Variants in WWOX observed in about 807,000 individuals in gnomAD.
The protein encoded by WWOX is WW domain-containing oxidoreductase.
WWOX carries 69 observed loss-of-function variants against 46.2 expected under a neutral mutation model. The observed-to-expected ratio is 1.49, with a 90% CI of 1.23 to 1.82. The LOEUF is 1.82. Among genes scored for constraint, WWOX ranks in the 40% most tolerant of loss-of-function variants. The probability of loss-of-function intolerance (pLI) is 0.00; values close to 1 mark genes in which losing one functional copy is unlikely to be tolerated. For synonymous variants in WWOX, 359 were observed against 202.6 expected, an observed-to-expected ratio of 1.77 and a Z score of -6.56; for missense variants, 919 against 542.6, an observed-to-expected ratio of 1.69 and a Z score of -6.89.
intron 8 of WWOX, among the ~76,000 whole-genome samples, chr16:78,527,819 G>A (rs1274644208): frequency 6.6e-6 from 1 of 151,470 alleles, no homozygotes; most frequent in Admixed American, 6.6e-5. Context: ...GTAGAGGATA[G>A]GGGGGAAAAG....
intron 8 of WWOX, among the ~76,000 whole-genome samples, chr16:79,027,435 G>A (rs2047668110): frequency 6.6e-6 from 1 of 151,582 alleles, no homozygotes; most frequent in Non-Finnish European, 1.5e-5. Context: ...GGGCCTCCCT[G>A]CCTCCCATTT....
chr16:78,704,468 G>T (rs982441241), intron 8 of WWOX, among the ~76,000 whole-genome samples: 1 of 152,064 alleles, frequency 6.6e-6, no homozygotes, highest in African/African-American at 2.4e-5. Context: ...ATTGCCCACG[G>T]ATCTTCAGTA....
intron 5 of WWOX, among the ~76,000 whole-genome samples, chr16:78,246,922 A>G (rs569236791): frequency 6.6e-6 from 1 of 152,286 alleles, no homozygotes; most frequent in East Asian, 1.9e-4. Context: ...CGGAGCCACA[A>G]GAATGCAAGA....
intron 8 of WWOX, among the ~76,000 whole-genome samples, chr16:78,803,499 T>G (rs1166499952): frequency 6.6e-6 from 1 of 152,164 alleles, no homozygotes; most frequent in Admixed American, 6.5e-5. Flanking sequence ...CATGCTGGAG[T>G]GCAGTGGTGC....
chr16:78,176,539 G>T (rs1028273709), intron 5 of WWOX, among the ~76,000 whole-genome samples: 3 of 152,202 alleles, frequency 2.0e-5, no homozygotes, highest in Admixed American at 6.5e-5. Context: ...GGGTAGCTGG[G>T]AGAAACTTCA....
At chr16:78,322,091 C>T (rs936814606) in intron 5 of WWOX, among the ~76,000 whole-genome samples, 1 of 152,112 alleles carries the variant, frequency 6.6e-6, no homozygotes, top group Admixed American at 6.5e-5. Flanking sequence ...CAAATGGTTT[C>T]AATTTCATCC....
chr16:78,601,218 C>T (rs1340971706), intron 8 of WWOX, among the ~76,000 whole-genome samples: 1 of 152,186 alleles, frequency 6.6e-6, no homozygotes, highest in Non-Finnish European at 1.5e-5. Flanking sequence ...TTCTTCAGTG[C>T]CACCTGCCTT....
chr16:78,461,020 A>G (rs561006562), intron 8 of WWOX, among the ~76,000 whole-genome samples: 5 of 152,356 alleles, frequency 3.3e-5, no homozygotes, highest in African/African-American at 1.2e-4. Context: ...ATACTTGAAG[A>G]GTGGACATCT....
intron 6 of WWOX, among the ~76,000 whole-genome samples, chr16:78,415,026 G>A (rs2082766945): frequency 6.6e-6 from 1 of 150,446 alleles, no homozygotes; most frequent in Non-Finnish European, 1.5e-5. Context: ...TTTGGCTGTT[G>A]GACTAAGGAT....
chr16:79,078,719 A>G (rs964924177), intron 8 of WWOX, among the ~76,000 whole-genome samples: 2 of 152,236 alleles, frequency 1.3e-5, no homozygotes, highest in African/African-American at 4.8e-5. Context: ...TTAACAGTTT[A>G]TAGCCAGATT....
At chr16:78,651,376 G>A (rs903644025) in intron 8 of WWOX, among the ~76,000 whole-genome samples, 3 of 152,202 alleles carry the variant, frequency 2.0e-5, no homozygotes, top group Non-Finnish European at 4.4e-5. Context: ...AATATCTGTG[G>A]ATGTCAGGTT....
At chr16:78,427,810 T>G (rs1321604257) in intron 7 of WWOX, among the ~76,000 whole-genome samples, 1 of 150,766 alleles carries the variant, frequency 6.6e-6, no homozygotes, top group Non-Finnish European at 1.5e-5. Context: ...TTAAAAAAAA[T>G]GCAGTATAGG....
chr16:79,015,906 A>G (rs2047403357), intron 8 of WWOX, among the ~76,000 whole-genome samples: 1 of 152,058 alleles, frequency 6.6e-6, no homozygotes, highest in Non-Finnish European at 1.5e-5. Flanking sequence ...ATGTGCCACC[A>G]CTCACAGCTA....
chr16:78,141,516 A>T (rs1220356598), intron 4 of WWOX, among the ~76,000 whole-genome samples: 1 of 144,652 alleles, frequency 6.9e-6, no homozygotes, highest in Non-Finnish European at 1.5e-5. Context: ...AAATAAATGT[A>T]TTCCTAGCCA....
chr16:78,934,077 G>C (rs1033749699), intron 8 of WWOX, among the ~76,000 whole-genome samples: 1 of 151,732 alleles, frequency 6.6e-6, no homozygotes, highest in African/African-American at 2.4e-5. Context: ...GGCTCATGCT[G>C]GTAATCCCAG....
At chr16:78,579,305 G>A (rs528276259) in intron 8 of WWOX, among the ~76,000 whole-genome samples, 62 of 152,238 alleles carry the variant, frequency 4.1e-4, no homozygotes, top group Non-Finnish European at 7.1e-4. Flanking sequence ...AGCATATGTC[G>A]ACGGTGTGAG....
In WWOX at chr16:79,211,823, A is replaced by C. The variant is rs756931765; in HGVS notation, c.*27A>C. On this transcript the variant is annotated 3_prime_UTR_variant, in exon 9 of 9. Transcript: ENST00000566780. ...TGGAGCTCAGAGCGGATGGGCACAC[A>C]CACCCGCCCTGTGTGTGTCCCCTCA... 1.9e-6 allele frequency: 3 copies of C among 1,613,450 alleles called. No individual in the cohort carries two copies. The highest frequency in any genetic ancestry group is 2.5e-6 in the Non-Finnish European group (3 of 1,179,876).
chr16:79,048,380 AC>A (rs933810666), intron 8 of WWOX, among the ~76,000 whole-genome samples: 8 of 151,398 alleles, frequency 5.3e-5, no homozygotes, highest in Admixed American at 2.0e-4. Context: ...TTTACAAATT[AC>A]CCCCATTTTC....
intron 8 of WWOX, among the ~76,000 whole-genome samples, chr16:78,939,669 A>G (rs1384585652): frequency 6.6e-6 from 1 of 152,218 alleles, no homozygotes; most frequent in Non-Finnish European, 1.5e-5. Flanking sequence ...TATCAAAAGG[A>G]AGTTCCCTGA....
Sources: allele counts gnomAD v4.1 joint callset (sites outside exome capture counted in the v4.1 genomes callset), GRCh38; gene constraint gnomAD v4.1.1; transcripts MANE v1.5; gene names NCBI Gene and HGNC (gene_info 2026-07-23, HGNC 2026-07-21).